MIB1: variants seen among roughly 807,000 people sequenced by gnomAD.
MIB1 encodes the protein E3 ubiquitin-protein ligase MIB1.
In MIB1, 278 loss-of-function variants were observed where a neutral mutation model predicts 124.5. The observed-to-expected ratio is 2.23, with a 90% CI of 2.02 to 2.47. The LOEUF (loss-of-function observed/expected upper bound fraction) is 2.47, where lower values mean the gene tolerates loss of function less well. MIB1 is among the 30% of genes most tolerant of loss of function. MIB1 has a pLI of 0.00. For missense variants in MIB1, 957 were observed against 1,254.4 expected, an observed-to-expected ratio of 0.76 and a Z score of 3.58; for synonymous variants, 446 against 429.4, an observed-to-expected ratio of 1.04 and a Z score of -0.48.
intron 10 of MIB1, among the ~76,000 whole-genome samples, chr18:21,814,185 T>G (rs2041804375): frequency 6.6e-6 from 1 of 152,214 alleles, no homozygotes; most frequent in African/African-American, 2.4e-5. Context: ...TTGATTCTTC[T>G]GAAATAGTTT....
intron 1 of MIB1, among the ~76,000 whole-genome samples, chr18:21,719,632 T>C (rs1598579394): frequency 6.8e-6 from 1 of 148,038 alleles, no homozygotes; most frequent in South Asian, 2.1e-4. Context: ...TTTTTTTTTG[T>C]ATTTTTAGTA....
intron 10 of MIB1, among the ~76,000 whole-genome samples, chr18:21,813,716 T>C (rs1292527004): frequency 6.6e-6 from 1 of 152,234 alleles, no homozygotes; most frequent in Non-Finnish European, 1.5e-5. Flanking sequence ...CATTTAATCA[T>C]AACAGTGTTT....
intron 1 of MIB1, among the ~76,000 whole-genome samples, chr18:21,730,610 A>G (rs1044531286): frequency 6.6e-6 from 1 of 152,316 alleles, no homozygotes; most frequent in East Asian, 1.9e-4. Flanking sequence ...CTCTGTCTCA[A>G]TGAATGGCTC....
chr18:21,797,747 G>C (rs980986999), intron 7 of MIB1, among the ~76,000 whole-genome samples: 12 of 151,846 alleles, frequency 7.9e-5, no homozygotes, highest in Non-Finnish European at 2.9e-5. Flanking sequence ...ATTGATGATA[G>C]ATTTTAGACT....
chr18:21,860,589 C>G (rs983151117), intron 20 of MIB1, among the ~76,000 whole-genome samples: 2 of 152,158 alleles, frequency 1.3e-5, no homozygotes, highest in Non-Finnish European at 2.9e-5. Context: ...GATTCACAGG[C>G]TTGAGCAGTT....
At chr18:21,803,325 TTGGGTATGTCCA>T (rs1156790367) in intron 9 of MIB1, among the ~76,000 whole-genome samples, 1 of 152,208 alleles carries the variant, frequency 6.6e-6, no homozygotes, top group Non-Finnish European at 1.5e-5. Context: ...GCACTTGGCC[TTGGGTATGTCCA>T]TGGGTTAGTT....
At chr18:21,831,338 G>A (rs2041980284) in intron 12 of MIB1, 1 of 149,326 alleles carries the variant, frequency 6.7e-6, no homozygotes, top group African/African-American at 2.5e-5. Flanking sequence ...ACATCCAGAG[G>A]TCAAGTCTGC....
intron 3 of MIB1, among the ~76,000 whole-genome samples, chr18:21,771,723 T>G (rs1055464777): frequency 2.0e-5 from 3 of 152,112 alleles, no homozygotes; most frequent in African/African-American, 7.2e-5. Flanking sequence ...GTTCAGTTTA[T>G]TTTTTTATTC....
At position 21,799,825 on chromosome 18, in the gene MIB1, A is replaced by C. The variant is rs1230170459; in HGVS notation, c.1238-16A>C. On this transcript the variant is annotated splice_polypyrimidine_tract_variant and intron_variant, in intron 8 of 20. Transcript: ENST00000261537. ...GAGATCCTCCTATATTAGCAGCTTT[A>C]TTTGATGCTTTACAGAAAGACTCTC... is the stretch of plus-strand genomic sequence containing the variant. 5.0e-6 allele frequency: 8 copies of C among 1,606,434 alleles called. No homozygotes were observed. The highest frequency in any genetic ancestry group is 6.8e-6 in the Non-Finnish European group (8 of 1,175,476).
intron 2 of MIB1, among the ~76,000 whole-genome samples, chr18:21,767,978 TG>T (rs968790780): frequency 6.6e-6 from 1 of 152,212 alleles, no homozygotes; most frequent in African/African-American, 2.4e-5. Context: ...CGTTTGTTCT[TG>T]GCAACAGTTT....
chr18:21,743,903 C>T (rs1051139466), intron 1 of MIB1, among the ~76,000 whole-genome samples: 1 of 151,832 alleles, frequency 6.6e-6, no homozygotes, highest in Non-Finnish European at 1.5e-5. Context: ...TTAATATAAA[C>T]GTAGATGTTT....
chr18:21,746,176 G>C (rs2040910717), intron 1 of MIB1, among the ~76,000 whole-genome samples: 1 of 152,192 alleles, frequency 6.6e-6, no homozygotes, highest in South Asian at 2.1e-4. Flanking sequence ...ATTAAGAAAT[G>C]GGTAACCTTC....
intron 4 of MIB1, among the ~76,000 whole-genome samples, chr18:21,774,807 T>A (rs1021053464): frequency 6.6e-6 from 1 of 151,328 alleles, no homozygotes; most frequent in East Asian, 1.9e-4. Flanking sequence ...TTATTTATTT[T>A]TTATATTTAT....
chr18:21,831,649 CTT>C (rs35046389), intron 12 of MIB1, among the ~76,000 whole-genome samples: 1 of 146,736 alleles, frequency 6.8e-6, no homozygotes. Context: ...CTGCCCCCCA[CTT>C]TTTTTTTTTT....
chr18:21,793,284 A>G (rs1418722457), intron 7 of MIB1, among the ~76,000 whole-genome samples: 2 of 152,198 alleles, frequency 1.3e-5, no homozygotes, highest in Non-Finnish European at 2.9e-5. Context: ...ACTCAAAACT[A>G]ACCAGCCAAA....
intron 9 of MIB1, among the ~76,000 whole-genome samples, chr18:21,800,345 A>T (rs113476379): frequency 3.4e-4 from 51 of 152,024 alleles, no homozygotes; most frequent in African/African-American, 1.2e-3. Flanking sequence ...AATTTTTGTG[A>T]GTACATAGCA....
At position 21,779,666 on chromosome 18, in the gene MIB1, C is replaced by G. The variant is rs750183047; in HGVS notation, c.889C>G (p.Gln297Glu). The change falls in exon 6 of 21, where the codon CAG becomes GAG. Residue 297 changes from glutamine to glutamate, a missense_variant. Gln to Glu is a conservative substitution (Grantham distance 29). Transcript: ENST00000261537. ...GIDEDHDIVV[Q>E]YPSGNRWTFN... ...TGATGAAGATCATGACATTGTAGTACAGTATCCAAGTGGCAATAGGTGGGT... is the reference window on the plus strand; with the variant it reads ...TGATGAAGATCATGACATTGTAGTAGAGTATCCAAGTGGCAATAGGTGGGT... 6.2e-7 allele frequency: 1 copy of G among 1,613,840 alleles called. No individual in the cohort carries two copies. Among genetic ancestry groups the G allele is most frequent in the Non-Finnish European group, 8.5e-7 (1 of 1,179,726 alleles).
At chr18:21,797,988 T>A (rs2041603673) in intron 7 of MIB1, 96 bp from the exon 8 acceptor site, 2 of 1,200,174 alleles carry the variant, frequency 1.7e-6, no homozygotes, top group Non-Finnish European at 2.3e-6. Context: ...TCATTAGTAA[T>A]AAGTAAAATC....
At chr18:21,719,454 A>T (rs964992887) in intron 1 of MIB1, among the ~76,000 whole-genome samples, 1 of 151,992 alleles carries the variant, frequency 6.6e-6, no homozygotes, top group African/African-American at 2.4e-5. Flanking sequence ...GTTTAAAAAA[A>T]ATTTTTTTTT....
Sources: allele counts gnomAD v4.1 joint callset (sites outside exome capture counted in the v4.1 genomes callset), GRCh38; gene constraint gnomAD v4.1.1; transcripts MANE v1.5; gene names NCBI Gene and HGNC (gene_info 2026-07-23, HGNC 2026-07-21).